The following CD2AP variants were observed in gnomAD, a reference collection of about 807,000 sequenced individuals.
The protein encoded by CD2AP is CD2-associated protein.
A neutral mutation model predicts 85.1 loss-of-function variants in CD2AP; 46 were observed. The observed-to-expected ratio is 0.54, with a 90% CI of 0.43 to 0.69. The LOEUF is 0.69. CD2AP is among the 30% of genes least tolerant of loss of function. The pLI is 0.00. For synonymous variants in CD2AP, 255 were observed against 252.9 expected (o/e 1.01, Z -0.08); for missense variants, 769 against 729.5 (o/e 1.05, Z -0.62).
chr6:47,507,339 C>G (rs1230984570), intron 2 of CD2AP, among the ~76,000 whole-genome samples: 1 of 152,180 alleles, frequency 6.6e-6, no homozygotes, highest in Non-Finnish European at 1.5e-5. Context: ...TTTAGCTCCT[C>G]TCATGAATCA....
intron 1 of CD2AP, among the ~76,000 whole-genome samples, chr6:47,480,750 T>C (rs1011038279): frequency 2.0e-5 from 3 of 152,202 alleles, no homozygotes; most frequent in African/African-American, 7.2e-5. Context: ...AAAATCTCAA[T>C]TTTTGACCTT....
intron 2 of CD2AP, among the ~76,000 whole-genome samples, chr6:47,519,384 A>C (rs1766528188): frequency 6.6e-6 from 1 of 152,132 alleles, no homozygotes; most frequent in Non-Finnish European, 1.5e-5. Context: ...GTTTCTAGCT[A>C]CTCTACTAGA....
chr6:47,543,148 C>CAAAA (rs11338409), intron 3 of CD2AP, among the ~76,000 whole-genome samples: 15 of 60,318 alleles, frequency 2.5e-4, no homozygotes, highest in East Asian at 9.4e-4. Flanking sequence ...AAGACTGTCT[C>CAAAA]AAAAAAAAAA....
chr6:47,608,563 G>A (rs1005532530), intron 15 of CD2AP, among the ~76,000 whole-genome samples: 8 of 152,070 alleles, frequency 5.3e-5, no homozygotes, highest in South Asian at 2.1e-4. Flanking sequence ...TCATTTCAGG[G>A]CATTTTTGTC....
chr6:47,478,277 C>G (rs777922110), intron 1 of CD2AP, 29 bp downstream of exon 1: 124 of 1,566,960 alleles, frequency 7.9e-5, no homozygotes, highest in Non-Finnish European at 1.1e-4. Context: ...TCCCGCCGCC[C>G]GTCCGGACCT....
At chr6:47,575,148 T>G (rs1185057441) in intron 6 of CD2AP, among the ~76,000 whole-genome samples, 1 of 152,208 alleles carries the variant, frequency 6.6e-6, no homozygotes, top group Non-Finnish European at 1.5e-5. Flanking sequence ...TACATATTCC[T>G]AGCTCTGAGA....
At chr6:47,567,658 A>T (rs548520407) in intron 5 of CD2AP, among the ~76,000 whole-genome samples, 1 of 152,334 alleles carries the variant, frequency 6.6e-6, no homozygotes, top group East Asian at 1.9e-4. Context: ...TGAGATCCCA[A>T]AATGGCTAGG....
intron 6 of CD2AP, among the ~76,000 whole-genome samples, chr6:47,574,947 A>G (rs943630225): frequency 6.6e-6 from 1 of 152,166 alleles, no homozygotes; most frequent in African/African-American, 2.4e-5. Context: ...AAATTATAGT[A>G]TTTCAGTATT....
chr6:47,598,850 A>G (rs1562050578), intron 12 of CD2AP, among the ~76,000 whole-genome samples: 1 of 150,364 alleles, frequency 6.7e-6, no homozygotes, highest in South Asian at 2.1e-4. Flanking sequence ...AATCACCACT[A>G]AAGAGCTTAT....
intron 2 of CD2AP, among the ~76,000 whole-genome samples, chr6:47,531,404 T>C (rs192296837): frequency 2.9e-4 from 44 of 151,980 alleles, no homozygotes; most frequent in African/African-American, 1.1e-3. Context: ...ACTAATGAAA[T>C]GTGTACACCT....
At chr6:47,544,029 A>G (rs1328606161) in intron 3 of CD2AP, among the ~76,000 whole-genome samples, 1 of 152,248 alleles carries the variant, frequency 6.6e-6, no homozygotes, top group African/African-American at 2.4e-5. Context: ...TTGAGAACAC[A>G]AGCGCGAATG....
chr6:47,491,826 A>G (rs142651164), intron 1 of CD2AP, among the ~76,000 whole-genome samples: 6 of 152,194 alleles, frequency 3.9e-5, no homozygotes, highest in African/African-American at 1.4e-4. Flanking sequence ...TTTTTTTTAA[A>G]AAAGTTATTA....
At chr6:47,618,643 A>G (rs1243817223) in intron 17 of CD2AP, among the ~76,000 whole-genome samples, 1 of 152,214 alleles carries the variant, frequency 6.6e-6, no homozygotes, top group African/African-American at 2.4e-5. Flanking sequence ...TACATTTTAT[A>G]CATACATGTT....
At chr6:47,607,530 T>G (rs1582619324) in intron 14 of CD2AP, among the ~76,000 whole-genome samples, 1 of 152,106 alleles carries the variant, frequency 6.6e-6, no homozygotes, top group South Asian at 2.1e-4. Context: ...TAGTTTTGAT[T>G]TGTATTTCTC....
intron 1 of CD2AP, among the ~76,000 whole-genome samples, chr6:47,494,175 ATCGT>A (rs1379881634): frequency 3.3e-5 from 5 of 152,136 alleles, no homozygotes; most frequent in African/African-American, 1.2e-4. Context: ...CGGTAGTTAA[ATCGT>A]TAGTGTGAGG....
chr6:47,578,262 G>A (rs1378910442), intron 8 of CD2AP, among the ~76,000 whole-genome samples: 1 of 152,092 alleles, frequency 6.6e-6, no homozygotes, highest in African/African-American at 2.4e-5. Context: ...GTGCAGTGGT[G>A]TGATCATAGC....
chr6:47,544,278 CTA>C (rs1403780647), intron 3 of CD2AP, among the ~76,000 whole-genome samples: 1 of 152,122 alleles, frequency 6.6e-6, no homozygotes, highest in East Asian at 1.9e-4. Flanking sequence ...GAGGACTTGT[CTA>C]TGATGAATTT....
Position 47,486,369 on chromosome 6 carries a change from G to A in CD2AP, c.4+8121G>A, listed in dbSNP as rs76869974. On this transcript the variant is annotated intron_variant, in intron 1 of 17. Coordinates refer to ENST00000359314, the MANE Select transcript of CD2AP (RefSeq NM_012120.3). ...ATGTGTTGGGATGGCTTATGTGATA[G>A]GAATAAGACAACATAATAACAATGA... Among the ~76,000 whole-genome samples, 1,201 of 152,172 alleles carry A rather than the reference G, an allele frequency of 7.9e-3. 14 individuals carry two copies. Among genetic ancestry groups the A allele is most frequent in the African/African-American group, 0.027 (1,121 of 41,498 alleles).
At chr6:47,572,936 C>T (rs1768195223) in intron 5 of CD2AP, among the ~76,000 whole-genome samples, 1 of 152,124 alleles carries the variant, frequency 6.6e-6, no homozygotes, top group African/African-American at 2.4e-5. Flanking sequence ...AACAGACTAC[C>T]TTAGTTCAGT....
Sources: allele counts gnomAD v4.1 joint callset (sites outside exome capture counted in the v4.1 genomes callset), GRCh38; gene constraint gnomAD v4.1.1; transcripts MANE v1.5; gene names NCBI Gene and HGNC (gene_info 2026-07-23, HGNC 2026-07-21).